The following PDE4D variants were observed in gnomAD, a reference collection of about 807,000 sequenced individuals.
PDE4D encodes the protein phosphodiesterase 4D, also known as 3',5'-cyclic-AMP phosphodiesterase 4D.
In PDE4D, 24 loss-of-function variants were observed where a neutral mutation model predicts 87.4. The observed-to-expected ratio is 0.27, with a 90% CI of 0.20 to 0.39. The LOEUF is 0.39. Among genes scored for constraint, PDE4D ranks in the 10% least tolerant of loss-of-function variants. The pLI, the probability that PDE4D is intolerant of heterozygous loss-of-function variation, is 1.00. For missense variants in PDE4D, 714 were observed against 1,041.0 expected, an observed-to-expected ratio of 0.69 and a Z score of 4.32; for synonymous variants, 384 against 383.2, an observed-to-expected ratio of 1.00 and a Z score of -0.02.
intron 1 of PDE4D, among the ~76,000 whole-genome samples, chr5:59,668,915 GAAGAAGA>G (rs879882559): frequency 0.079 from 5,735 of 72,236 alleles, 460 homozygotes; most frequent in East Asian, 0.17. Context: ...AGAAGAAGAA[GAAGAAGA>G]AAGAAAGAAA....
At chr5:59,796,797 T>A (rs1766532737) in intron 1 of PDE4D, among the ~76,000 whole-genome samples, 1 of 152,208 alleles carries the variant, frequency 6.6e-6, no homozygotes, top group Admixed American at 6.5e-5. Context: ...AATATTTAGA[T>A]GCCAAATGTG....
chr5:60,050,904 C>G (rs965280172), intron 2 of PDE4D, among the ~76,000 whole-genome samples: 8 of 152,080 alleles, frequency 5.3e-5, no homozygotes, highest in Non-Finnish European at 5.9e-5. Context: ...TCTGATAAAA[C>G]AGACTTTAAA....
At chr5:59,731,069 T>G (rs1373729169) in intron 1 of PDE4D, among the ~76,000 whole-genome samples, 1 of 152,108 alleles carries the variant, frequency 6.6e-6, no homozygotes, top group Non-Finnish European at 1.5e-5. Flanking sequence ...CTCCCTTTCA[T>G]TCTTATTTAT....
intron 2 of PDE4D, among the ~76,000 whole-genome samples, chr5:60,083,304 C>G (rs548058815): frequency 9.8e-5 from 15 of 152,290 alleles, no homozygotes; most frequent in Admixed American, 5.2e-4. Context: ...TTATATTAGA[C>G]AGCACTGTAT....
At chr5:60,253,850 A>G (rs1748746675) in intron 1 of PDE4D, among the ~76,000 whole-genome samples, 1 of 151,928 alleles carries the variant, frequency 6.6e-6, no homozygotes, top group Admixed American at 6.6e-5. Flanking sequence ...TACATGTCCC[A>G]GATTAACCTA....
At chr5:60,144,410 G>T (rs554525762) in intron 2 of PDE4D, among the ~76,000 whole-genome samples, 1 of 152,320 alleles carries the variant, frequency 6.6e-6, no homozygotes. Flanking sequence ...TCGATAAAGA[G>T]AAAACTGCTA....
chr5:60,354,385 TTAAAG>T, intron 1 of PDE4D, among the ~76,000 whole-genome samples: 1 of 152,330 alleles, frequency 6.6e-6, no homozygotes, highest in Non-Finnish European at 1.5e-5. Flanking sequence ...CTGAGATGTG[TTAAAG>T]TTAAGTTTGG....
chr5:60,192,731 T>G (rs1785295261), intron 1 of PDE4D, among the ~76,000 whole-genome samples: 1 of 152,160 alleles, frequency 6.6e-6, no homozygotes, highest in African/African-American at 2.4e-5. Context: ...TAGCAAAATA[T>G]TAGTAGTTAT....
intron 1 of PDE4D, among the ~76,000 whole-genome samples, chr5:60,207,750 G>A (rs908594544): frequency 2.6e-5 from 4 of 152,166 alleles, no homozygotes; most frequent in African/African-American, 7.2e-5. Flanking sequence ...TTTAGACAGA[G>A]CTGTTACATG....
chr5:59,156,749 G>T (rs1343865626), intron 5 of PDE4D, among the ~76,000 whole-genome samples: 2 of 151,890 alleles, frequency 1.3e-5, no homozygotes, highest in Non-Finnish European at 2.9e-5. Context: ...TATATTTATG[G>T]TATACAACAT....
chr5:59,222,559 C>T (rs1273623888), intron 1 of PDE4D, among the ~76,000 whole-genome samples: 1 of 152,172 alleles, frequency 6.6e-6, no homozygotes, highest in Non-Finnish European at 1.5e-5. Flanking sequence ...GAAGGCCACT[C>T]ACAGGGAAGA....
intron 1 of PDE4D, among the ~76,000 whole-genome samples, chr5:59,662,281 AC>A (rs1745380799): frequency 6.6e-6 from 1 of 152,220 alleles, no homozygotes; most frequent in Admixed American, 6.5e-5. Flanking sequence ...CTCAGGCTAA[AC>A]CCTAAGGAAT....
chr5:59,693,683 C>CA (rs1372788814), intron 1 of PDE4D, among the ~76,000 whole-genome samples: 2 of 151,840 alleles, frequency 1.3e-5, no homozygotes, highest in Non-Finnish European at 2.9e-5. Flanking sequence ...AAGTTATTTG[C>CA]AAAAAAAGTT....
intron 1 of PDE4D, among the ~76,000 whole-genome samples, chr5:60,504,098 A>T (rs1356052639): frequency 9.9e-5 from 15 of 152,184 alleles, no homozygotes; most frequent in Admixed American, 9.8e-4. Context: ...GTCAAAGGGA[A>T]TAAGGGCTTC....
intron 1 of PDE4D, among the ~76,000 whole-genome samples, chr5:59,583,348 C>A (rs957479514): frequency 2.0e-5 from 3 of 152,172 alleles, no homozygotes; most frequent in Admixed American, 1.3e-4. Flanking sequence ...ACTTGCATTT[C>A]CCTTCTTTCA....
In PDE4D at chr5:58,999,384, A is replaced by G. The variant is rs1749952608; in HGVS notation, c.922-5919T>C. On this transcript the variant is annotated intron_variant, in intron 6 of 14. Coordinates refer to ENST00000340635, the MANE Select transcript of PDE4D (RefSeq NM_001104631.2). ...ATTTCTTCCTAGTTCATGTGTAAGG[A>G]AAGAATACATAACTGATAGTTTGAA... 4 of 462,984 alleles carry G rather than the reference A, an allele frequency of 8.6e-6. No individual in the cohort carries two copies. In the East Asian group the frequency reaches 1.4e-4, roughly 16 times the overall value. The allele number at this position is 462,984 out of a possible 1,614,324, so 28.7% of individuals were successfully genotyped here. A position where few individuals can be genotyped will look rare whatever the true frequency, so the allele number is the denominator to read the frequency against.
At chr5:59,631,041 A>G (rs556890701) in intron 1 of PDE4D, among the ~76,000 whole-genome samples, 2 of 152,348 alleles carry the variant, frequency 1.3e-5, no homozygotes, top group South Asian at 4.1e-4. Flanking sequence ...AGCAAAAGGC[A>G]CAATTTTTCC....
chr5:60,444,480 G>C (rs964346904), intron 1 of PDE4D, among the ~76,000 whole-genome samples: 1 of 152,026 alleles, frequency 6.6e-6, no homozygotes, highest in African/African-American at 2.4e-5. Flanking sequence ...GAAGAGTCAC[G>C]GTAAAATACA....
intron 6 of PDE4D, among the ~76,000 whole-genome samples, chr5:59,002,385 C>G (rs1239782594): frequency 5.9e-5 from 9 of 152,008 alleles, no homozygotes; most frequent in Non-Finnish European, 8.8e-5. Flanking sequence ...GTGTAACCAA[C>G]AAGTGATGGT....
Sources: allele counts gnomAD v4.1 joint callset (sites outside exome capture counted in the v4.1 genomes callset), GRCh38; gene constraint gnomAD v4.1.1; transcripts MANE v1.5; gene names NCBI Gene and HGNC (gene_info 2026-07-23, HGNC 2026-07-21).